Variants in LSAMP observed in about 807,000 individuals in gnomAD.
LSAMP encodes the protein limbic system associated membrane protein, also known as limbic system-associated membrane protein.
Under a neutral mutation model 38.6 loss-of-function variants are expected in LSAMP, and 7 were observed. The observed-to-expected ratio is 0.18, with a 90% CI of 0.10 to 0.34. The LOEUF (loss-of-function observed/expected upper bound fraction) is 0.34, where lower values mean the gene tolerates loss of function less well. LSAMP is among the 10% of genes least tolerant of loss of function. The probability of loss-of-function intolerance (pLI) is 1.00; values close to 1 mark genes in which losing one functional copy is unlikely to be tolerated. For synonymous variants in LSAMP, 154 were observed against 166.8 expected (o/e 0.92, Z 0.59); for missense variants, 313 against 420.0 (o/e 0.75, Z 2.23).
intron 1 of LSAMP, among the ~76,000 whole-genome samples, chr3:116,268,703 C>CTTTT (rs386397692): frequency 1.4e-4 from 21 of 151,466 alleles, no homozygotes; most frequent in African/African-American, 5.1e-4. Flanking sequence ...ATTTTTCTTT[C>CTTTT]TTTCTTTAAA....
At chr3:116,351,881 G>T (rs149423106) in intron 1 of LSAMP, among the ~76,000 whole-genome samples, 117 of 152,094 alleles carry the variant, frequency 7.7e-4, no homozygotes, top group South Asian at 1.7e-3. Context: ...GCTTCTCAGG[G>T]ACAAATATCA....
At chr3:116,107,692 G>C (rs189849071) in intron 1 of LSAMP, among the ~76,000 whole-genome samples, 4,232 of 152,344 alleles carry the variant, frequency 0.028, 78 homozygotes, top group Non-Finnish European at 0.039. Flanking sequence ...CCTTGCGGCA[G>C]TACAGCCCAG....
chr3:116,299,066 G>A (rs1489982840), intron 1 of LSAMP, among the ~76,000 whole-genome samples: 2 of 152,170 alleles, frequency 1.3e-5, no homozygotes, highest in Non-Finnish European at 2.9e-5. Context: ...ATGTCTCAGA[G>A]CACAGAGTCT....
intron 2 of LSAMP, among the ~76,000 whole-genome samples, chr3:116,079,768 A>T (rs1707833109): frequency 6.6e-6 from 1 of 152,090 alleles, no homozygotes; most frequent in Non-Finnish European, 1.5e-5. Flanking sequence ...TTTGTCAAAA[A>T]AAAAGTTGCC....
chr3:116,369,807 C>T (rs1576169166), intron 1 of LSAMP: 1 of 152,476 alleles, frequency 6.6e-6, no homozygotes, highest in African/African-American at 2.4e-5. Context: ...GCCCCTAATC[C>T]AACATGACTG....
intron 1 of LSAMP, among the ~76,000 whole-genome samples, chr3:116,423,509 T>C (rs998924058): frequency 1.3e-5 from 2 of 152,188 alleles, no homozygotes; most frequent in Admixed American, 6.5e-5. Flanking sequence ...GAAAGCTTTA[T>C]TGGCTTTCCT....
chr3:116,173,693 G>A (rs1197022313), intron 1 of LSAMP, among the ~76,000 whole-genome samples: 1 of 151,892 alleles, frequency 6.6e-6, no homozygotes, highest in Non-Finnish European at 1.5e-5. Flanking sequence ...AATTACAAAG[G>A]CAAGTGCTTT....
intron 1 of LSAMP, among the ~76,000 whole-genome samples, chr3:116,171,474 C>T (rs1226795866): frequency 6.6e-6 from 1 of 152,114 alleles, no homozygotes; most frequent in Non-Finnish European, 1.5e-5. Context: ...ATACCATCAT[C>T]ATGTTACCTC....
intron 1 of LSAMP, among the ~76,000 whole-genome samples, chr3:116,424,593 AAAG>A (rs1388313963): frequency 6.6e-6 from 1 of 152,236 alleles, no homozygotes; most frequent in Non-Finnish European, 1.5e-5. Flanking sequence ...CAGAAATTAT[AAAG>A]AATACTTCTA....
chr3:116,235,975 C>T (rs2046461569), intron 1 of LSAMP, among the ~76,000 whole-genome samples: 1 of 152,120 alleles, frequency 6.6e-6, no homozygotes, highest in African/African-American at 2.4e-5. Flanking sequence ...CCAGCAGGGA[C>T]ATTACAGGTG....
intron 2 of LSAMP, among the ~76,000 whole-genome samples, chr3:116,059,651 A>G (rs1215960473): frequency 2.6e-5 from 4 of 152,150 alleles, no homozygotes; most frequent in Admixed American, 6.5e-5. Context: ...TTTTCATAGA[A>G]ACTTCAGCTT....
At chr3:116,026,223 G>T (rs1324243743) in intron 2 of LSAMP, among the ~76,000 whole-genome samples, 1 of 152,080 alleles carries the variant, frequency 6.6e-6, no homozygotes, top group Non-Finnish European at 1.5e-5. Flanking sequence ...CAGTCAGTCT[G>T]GCTCTGCCAC....
At chr3:116,372,104 G>T (rs969725739) in intron 1 of LSAMP, among the ~76,000 whole-genome samples, 1 of 151,964 alleles carries the variant, frequency 6.6e-6, no homozygotes, top group Non-Finnish European at 1.5e-5. Flanking sequence ...ACTACCCAAA[G>T]TGAACTACTA....
At chr3:116,094,858 C>T (rs1237220553) in intron 1 of LSAMP, among the ~76,000 whole-genome samples, 5 of 152,188 alleles carry the variant, frequency 3.3e-5, no homozygotes, top group African/African-American at 7.2e-5. Context: ...ATGGGGCTAA[C>T]GATACCTGTT....
Position 115,804,512 on chromosome 3 carries a change from G to A in LSAMP, c.*5805C>T, listed in dbSNP as rs1289391378. 3 of 152,090 alleles carry A rather than the reference G, an allele frequency of 2.0e-5. No individual in the cohort carries two copies. Among genetic ancestry groups the A allele is most frequent in the African/African-American group, 7.2e-5 (3 of 41,410 alleles). The allele number at this position is 152,090 out of a possible 1,614,324, so 9.4% of individuals were successfully genotyped here. A position where few individuals can be genotyped will look rare whatever the true frequency, so the allele number is the denominator to read the frequency against. ...GTTGTCAGTTTATCTTAGATGATGA[G>A]GAAGCAGTACCAAGAAGACACTTGG... On this transcript the variant is annotated 3_prime_UTR_variant, in exon 7 of 7. Coordinates refer to ENST00000490035, the MANE Select transcript of LSAMP (RefSeq NM_002338.5).
intron 1 of LSAMP, among the ~76,000 whole-genome samples, chr3:116,174,380 GC>G (rs1710283688): frequency 6.6e-6 from 1 of 151,856 alleles, no homozygotes. Context: ...CACAGCACTG[GC>G]CTACCAAACA....
chr3:116,358,958 G>T (rs960783402), intron 1 of LSAMP, among the ~76,000 whole-genome samples: 1 of 152,152 alleles, frequency 6.6e-6, no homozygotes, highest in African/African-American at 2.4e-5. Context: ...GCATTTAAAT[G>T]TGGGCCTATT....
chr3:116,151,300 T>A (rs373549397), intron 1 of LSAMP, among the ~76,000 whole-genome samples: 4 of 151,966 alleles, frequency 2.6e-5, no homozygotes, highest in East Asian at 3.9e-4. Context: ...ATCTGAGCAG[T>A]CATGGAAAGG....
intron 1 of LSAMP, among the ~76,000 whole-genome samples, chr3:116,415,532 G>A (rs887684751): frequency 2.0e-5 from 3 of 152,010 alleles, no homozygotes; most frequent in African/African-American, 7.2e-5. Flanking sequence ...TCTAGAGGAG[G>A]GAGACTGTTC....
Sources: gnomAD v4.1 joint callset for allele counts (sites outside exome capture counted in the v4.1 genomes callset) on GRCh38, gnomAD v4.1.1 for gene constraint, MANE v1.5 for transcripts, NCBI Gene and HGNC (gene_info 2026-07-23, HGNC 2026-07-21) for gene names.